PCDHGB4: variants seen among roughly 807,000 people sequenced by gnomAD.
The protein encoded by PCDHGB4 is protocadherin gamma-B4.
A neutral mutation model predicts 60.5 loss-of-function variants in PCDHGB4; 38 were observed. The ratio of observed to expected loss-of-function variants is 0.63; its 90% CI spans 0.48 to 0.82. The LOEUF (loss-of-function observed/expected upper bound fraction) is 0.82, where lower values mean the gene tolerates loss of function less well. PCDHGB4 is among the 40% of genes least tolerant of loss of function. PCDHGB4 has a pLI of 0.00. For missense variants in PCDHGB4, 1,109 were observed against 1,209.6 expected (o/e 0.92, Z 1.23); for synonymous variants, 456 against 509.7 (o/e 0.89, Z 1.42).
At chr5:141,459,938 C>T (rs373341229) in intron 1 of PCDHGB4, among the ~76,000 whole-genome samples, 4 of 152,148 alleles carry the variant, frequency 2.6e-5, no homozygotes, top group African/African-American at 4.8e-5. Context: ...TGTAGCTGGG[C>T]GTGATGGCAG....
intron 1 of PCDHGB4, 88 bp from the exon 2 acceptor site, chr5:141,494,719 C>T: frequency 6.2e-7 from 1 of 1,605,960 alleles, no homozygotes; most frequent in Non-Finnish European, 8.5e-7. Flanking sequence ...CCACTCCCCT[C>T]CTTCTCTCCC....
rs764607245 is a variant in PCDHGB4 at position 141,389,959 on chromosome 5, T to C, written c.2075T>C (p.Val692Ala). Residue 692 changes from valine to alanine, a missense_variant, in exon 1 of 4, where the codon GTG becomes GCG. Physicochemically the swap from Val to Ala is moderately conservative, Grantham distance 64. Coordinates refer to ENST00000519479, the MANE Select transcript of PCDHGB4 (RefSeq NM_003736.4). ...GCTGAGCTGCAGTTTTACCTAGTGGTGGCCTTGGCCTTGATCTCAGTGCTC... is the reference window on the plus strand; with the variant it reads ...GCTGAGCTGCAGTTTTACCTAGTGGCGGCCTTGGCCTTGATCTCAGTGCTC... ...LQAELQFYLV[V>A]ALALISVLFL... 1 of 1,614,058 alleles carries C rather than the reference T, an allele frequency of 6.2e-7. No individual in the cohort carries two copies. The highest frequency in any genetic ancestry group is 8.5e-7 in the Non-Finnish European group (1 of 1,179,896).
Position 141,431,431 on chromosome 5 carries a change from C to T in PCDHGB4, c.2397+41150C>T, listed in dbSNP as rs776557037. ...ACGGGGGCGACCCGGTGCGCACAGG[C>T]ACCGCGCGCATCCGCGTGATGGTTC... is the stretch of plus-strand genomic sequence containing the variant. On this transcript the variant is annotated intron_variant, in intron 1 of 3. Transcript: ENST00000519479. This position sits in a 1 kb window ranked among gnomAD's most constrained non-coding sequence, Gnocchi z 4.8. 11 of 1,613,586 alleles carry T rather than the reference C, an allele frequency of 6.8e-6. No individual in the cohort carries two copies. The East Asian group carries it at 1.1e-4, about 16-fold the overall frequency.
Position 141,491,329 on chromosome 5 carries a change from G to A in PCDHGB4, c.2398-3478G>A. The A allele has an allele frequency of 6.2e-7, 1 of 1,614,142 alleles. No individual in the cohort carries two copies. Among genetic ancestry groups the A allele is most frequent in the Non-Finnish European group, 8.5e-7 (1 of 1,180,022 alleles). On this transcript the variant is annotated intron_variant, in intron 1 of 3. Coordinates refer to ENST00000519479, the MANE Select transcript of PCDHGB4 (RefSeq NM_003736.4). The surrounding 1 kb of genome is among the most constrained non-coding windows in gnomAD (Gnocchi z 6.9). ...AGACCTTACCCTTTACCTCATTGTG[G>A]CTCTAGCGACCGTCAGTCTCTTATC...
Position 141,485,920 on chromosome 5 carries a change from T to C in PCDHGB4, c.2398-8887T>C, listed in dbSNP as rs1374948804. ...CCTTCCAGCAATCCAGCTACAGGAT[T>C]AGTGTGTTGGAGAGCGCACCAGCGG... On this transcript the variant is annotated intron_variant, in intron 1 of 3. Transcript: ENST00000519479. This position sits in a 1 kb window ranked among gnomAD's most constrained non-coding sequence, Gnocchi z 5.7. 1.2e-6 allele frequency: 2 copies of C among 1,614,038 alleles called. No individual in the cohort carries two copies. Among genetic ancestry groups the C allele is most frequent in the Non-Finnish European group, 1.7e-6 (2 of 1,180,010 alleles).
intron 1 of PCDHGB4, chr5:141,399,671 C>T (rs764084700): frequency 1.2e-6 from 2 of 1,613,512 alleles, no homozygotes; most frequent in East Asian, 4.5e-5. Flanking sequence ...GCGCAGCGCG[C>T]CTTTGACTAC....
chr5:141,458,273 G>C, intron 1 of PCDHGB4, among the ~76,000 whole-genome samples: 1 of 152,158 alleles, frequency 6.6e-6, no homozygotes, highest in Non-Finnish European at 1.5e-5. Context: ...AGGAACAACA[G>C]GGTTCCTGGT....
intron 1 of PCDHGB4, among the ~76,000 whole-genome samples, chr5:141,447,640 G>A (rs184184100): frequency 6.6e-6 from 1 of 152,198 alleles, no homozygotes; most frequent in Admixed American, 6.5e-5. Flanking sequence ...TATGAATGAT[G>A]GTAGAATTTT....
chr5:141,447,135 GT>G (rs905717632), intron 1 of PCDHGB4, among the ~76,000 whole-genome samples: 1 of 151,698 alleles, frequency 6.6e-6, no homozygotes, highest in South Asian at 2.1e-4. Flanking sequence ...TTGTTTGTTT[GT>G]TTTTTGTTTT....
chr5:141,433,437 T>C (rs1422634356), intron 1 of PCDHGB4, among the ~76,000 whole-genome samples: 2 of 152,076 alleles, frequency 1.3e-5, no homozygotes, highest in Admixed American at 1.3e-4. Flanking sequence ...AGTCTCACTA[T>C]GTTGAGCAGG....
At chr5:141,427,365 TG>T (rs1391779401) in intron 1 of PCDHGB4, 2 of 457,804 alleles carry the variant, frequency 4.4e-6, no homozygotes, top group Non-Finnish European at 8.8e-6. Flanking sequence ...CGCAGAACCC[TG>T]GACGGTGATC....
intron 1 of PCDHGB4, chr5:141,478,044 C>A (rs1302168166): frequency 1.9e-6 from 3 of 1,614,184 alleles, no homozygotes; most frequent in South Asian, 1.1e-5. Flanking sequence ...CCCAGGCAGA[C>A]TCTCACGGTC....
At chr5:141,422,279 C>T (rs1344316011) in intron 1 of PCDHGB4, 1 of 1,557,956 alleles carries the variant, frequency 6.4e-7, no homozygotes, top group Non-Finnish European at 8.6e-7. Context: ...ATAACTATCA[C>T]CTCTTCTATT....
At position 141,477,056 on chromosome 5, in the gene PCDHGB4, G is replaced by T; in HGVS notation, c.2398-17751G>T. 6.2e-7 allele frequency: 1 copy of T among 1,614,242 alleles called. No homozygotes were observed. The highest frequency in any genetic ancestry group is 8.5e-7 in the Non-Finnish European group (1 of 1,180,046). Reference sequence around the variant, plus strand: ...AATCAAGGGTCGGCTGGACTTCGAGGACACCAAACTCCATGAGATTTACAT... The same window carrying T: ...AATCAAGGGTCGGCTGGACTTCGAGTACACCAAACTCCATGAGATTTACAT... On this transcript the variant is annotated intron_variant, in intron 1 of 3. Coordinates refer to ENST00000519479, the MANE Select transcript of PCDHGB4 (RefSeq NM_003736.4). This position sits in a 1 kb window ranked among gnomAD's most constrained non-coding sequence, Gnocchi z 4.9.
intron 1 of PCDHGB4, chr5:141,420,085 C>T: frequency 1.2e-6 from 2 of 1,614,028 alleles, no homozygotes; most frequent in Middle Eastern, 1.6e-4. Context: ...GTCCCCCCAA[C>T]TACAGTGAGG....
chr5:141,501,130 G>A (rs528942194), intron 2 of PCDHGB4, among the ~76,000 whole-genome samples: 5 of 152,100 alleles, frequency 3.3e-5, no homozygotes, highest in African/African-American at 4.8e-5. Flanking sequence ...GCCTCCCTAA[G>A]TGCTGGGATT....
In PCDHGB4 at chr5:141,476,702, C is replaced by A. The variant is rs751321222; in HGVS notation, c.2398-18105C>A. 1.4e-5 allele frequency: 23 copies of A among 1,614,104 alleles called. No individual in the cohort carries two copies. Among genetic ancestry groups the A allele is most frequent in the Non-Finnish European group, 1.7e-5 (20 of 1,180,050 alleles). ...GGAGGACAGCACCAAGTACGCGGAG[C>A]TGGTGTTGGAGCGCGCCCTGGACCG... is the stretch of plus-strand genomic sequence containing the variant. On this transcript the variant is annotated intron_variant, in intron 1 of 3. Coordinates refer to ENST00000519479, the MANE Select transcript of PCDHGB4 (RefSeq NM_003736.4). The surrounding 1 kb of genome is among the most constrained non-coding windows in gnomAD (Gnocchi z 7.6).
chr5:141,404,411 G>A, intron 1 of PCDHGB4: 1 of 1,613,854 alleles, frequency 6.2e-7, no homozygotes, highest in Non-Finnish European at 8.5e-7. Flanking sequence ...GAATTCTAGA[G>A]TTATTTACTC....
intron 1 of PCDHGB4, chr5:141,404,146 A>G: frequency 1.2e-6 from 2 of 1,613,058 alleles, no homozygotes; most frequent in Non-Finnish European, 1.7e-6. Context: ...AAAATTCAGA[A>G]GAAGATTATT....
Sources: allele counts gnomAD v4.1 joint callset (sites outside exome capture counted in the v4.1 genomes callset), GRCh38; gene constraint gnomAD v4.1.1; non-coding constraint Gnocchi (gnomAD v3.1); transcripts MANE v1.5; gene names NCBI Gene and HGNC (gene_info 2026-07-23, HGNC 2026-07-21).